VGLL3: variants seen among roughly 807,000 people sequenced by gnomAD.
The protein encoded by VGLL3 is transcription cofactor vestigial-like protein 3.
Under a neutral mutation model 29.2 loss-of-function variants are expected in VGLL3, and 18 were observed. The observed-to-expected ratio is 0.62, with a 90% CI of 0.43 to 0.91. The LOEUF (loss-of-function observed/expected upper bound fraction) is 0.91. Among genes scored for constraint, VGLL3 ranks in the 40% least tolerant of loss-of-function variants. The pLI is 0.00. For synonymous variants in VGLL3, 180 were observed against 151.8 expected, an observed-to-expected ratio of 1.19 and a Z score of -1.36; for missense variants, 440 against 413.2, an observed-to-expected ratio of 1.06 and a Z score of -0.56.
At chr3:86,977,915 TC>T (rs1705243066) in intron 2 of VGLL3, among the ~76,000 whole-genome samples, 1 of 152,210 alleles carries the variant, frequency 6.6e-6, no homozygotes, top group Non-Finnish European at 1.5e-5. Context: ...TTCAAACACA[TC>T]TCTGTGAGCT....
chr3:86,962,079 A>T, intron 3 of VGLL3: 1 of 985,374 alleles, frequency 1.0e-6, no homozygotes, highest in Non-Finnish European at 1.2e-6. Context: ...TTCCTATGGA[A>T]CCCATGAAAC....
intron 3 of VGLL3, among the ~76,000 whole-genome samples, chr3:86,965,191 A>G (rs1704933514): frequency 6.6e-6 from 1 of 151,998 alleles, no homozygotes; most frequent in Non-Finnish European, 1.5e-5. Flanking sequence ...AGCAAATTTC[A>G]TGTTTTTACC....
At chr3:86,969,645 T>C (rs1216443916) in intron 2 of VGLL3, among the ~76,000 whole-genome samples, 2 of 152,098 alleles carry the variant, frequency 1.3e-5, no homozygotes, top group African/African-American at 4.8e-5. Context: ...AACACTCATT[T>C]TCCATTAAGA....
At position 86,961,511 on chromosome 3, in the gene VGLL3, A is replaced by C. The variant is rs532460949; in HGVS notation, c.937+7079T>G. Among the ~76,000 whole-genome samples, 3 of 152,290 alleles carry C rather than the reference A, an allele frequency of 2.0e-5. 1 individual carries two copies. The East Asian group carries it at 5.8e-4, about 29-fold the overall frequency. On this transcript the variant is annotated intron_variant, in intron 3 of 3. Coordinates refer to ENST00000398399, the MANE Select transcript of VGLL3 (RefSeq NM_016206.4). ...AGAATTTACTTAATGTTATCACTAA[A>C]AAATCTGAGGAAGATAAGAGGAGAC...
At chr3:86,959,772 G>A (rs557696828) in intron 3 of VGLL3, among the ~76,000 whole-genome samples, 4 of 152,140 alleles carry the variant, frequency 2.6e-5, no homozygotes, top group East Asian at 1.9e-4. Flanking sequence ...TTAACATATC[G>A]TAACTAACTT....
chr3:86,976,617 A>T (rs1443136855), intron 2 of VGLL3, among the ~76,000 whole-genome samples: 1 of 152,264 alleles, frequency 6.6e-6, no homozygotes, highest in South Asian at 2.1e-4. Flanking sequence ...ACAGTTTAAC[A>T]TCTGCTAAAG....
At chr3:86,964,146 A>G (rs1704912671) in intron 3 of VGLL3, among the ~76,000 whole-genome samples, 1 of 152,194 alleles carries the variant, frequency 6.6e-6, no homozygotes, top group South Asian at 2.1e-4. Flanking sequence ...CGTGAGAAAT[A>G]TATAAAACTC....
chr3:86,982,244 A>C (rs1705340071), intron 1 of VGLL3, among the ~76,000 whole-genome samples: 1 of 152,126 alleles, frequency 6.6e-6, no homozygotes, highest in African/African-American at 2.4e-5. Flanking sequence ...TCCCAGGTTC[A>C]AGTGATTCTC....
At chr3:86,956,009 A>G (rs538445360) in intron 3 of VGLL3, among the ~76,000 whole-genome samples, 21 of 152,344 alleles carry the variant, frequency 1.4e-4, no homozygotes, top group South Asian at 8.3e-4. Context: ...GTGAAACCTT[A>G]TATTACTGAT....
At chr3:86,978,912 C>T (rs1285653371) in intron 1 of VGLL3, 110 bp from the exon 2 acceptor site, 4 of 1,216,532 alleles carry the variant, frequency 3.3e-6, no homozygotes, top group Non-Finnish European at 3.3e-6. Context: ...CATATGTTTG[C>T]AAACTGATTC....
intron 1 of VGLL3, among the ~76,000 whole-genome samples, chr3:86,988,144 T>G (rs1017986941): frequency 6.6e-6 from 1 of 152,176 alleles, no homozygotes; most frequent in African/African-American, 2.4e-5. Flanking sequence ...AATACAGAAG[T>G]AATATAAAAC....
rs1575855081 is a variant in VGLL3, at chr3:86,942,782, G to C, written c.*4242C>G. On this transcript the variant is annotated 3_prime_UTR_variant, in exon 4 of 4. Transcript: ENST00000398399. ...AAACGTACATTTATCTCCTATACCA[G>C]GTAGAAGGAACAGTTAGTAGGAGAA... 1 of 152,146 alleles carries C rather than the reference G, an allele frequency of 6.6e-6. No individual in the cohort carries two copies. The highest frequency in any genetic ancestry group is 1.5e-5 in the Non-Finnish European group (1 of 68,022). The allele number at this position is 152,146 out of a possible 1,614,324, so 9.4% of individuals were successfully genotyped here. A position where few individuals can be genotyped will look rare whatever the true frequency, so the allele number is the denominator to read the frequency against.
At chr3:86,984,199 C>T (rs1180745752) in intron 1 of VGLL3, among the ~76,000 whole-genome samples, 2 of 152,134 alleles carry the variant, frequency 1.3e-5, no homozygotes, top group Admixed American at 6.5e-5. Flanking sequence ...CTTGACAAAT[C>T]AGATACATAA....
rs777851153 is a variant in VGLL3, at chr3:86,942,996, CGTGTGTGTGTGTGTCTGT to C, written c.*4010_*4027del. 69 of 122,322 alleles carry C rather than the reference CGTGTGTGTGTGTGTCTGT, an allele frequency of 5.6e-4. No homozygotes were observed. The highest frequency in any genetic ancestry group is 1.1e-3 in the Non-Finnish European group (59 of 54,678). 7.6% of individuals were successfully genotyped at this position (122,322 alleles called of 1,614,324 possible). A position where few individuals can be genotyped will look rare whatever the true frequency, so the allele number is the denominator to read the frequency against. On this transcript the variant is annotated 3_prime_UTR_variant, in exon 4 of 4. Transcript: ENST00000398399. ...ATCTAATATGAGCTACATGATTGAT[CGTGTGTGTGTGTGTCTGT>C]GTGTGTGTGTGTGTGTATGTGATTT...
In VGLL3 at chr3:86,939,719, T is replaced by C. The variant is rs374494804; in HGVS notation, c.*7305A>G. 1.3e-5 allele frequency: 2 copies of C among 152,236 alleles called. No individual in the cohort carries two copies. Among genetic ancestry groups the C allele is most frequent in the African/African-American group, 4.8e-5 (2 of 41,462 alleles). The allele number at this position is 152,236 out of a possible 1,614,324, so 9.4% of individuals were successfully genotyped here. A position where few individuals can be genotyped will look rare whatever the true frequency, so the allele number is the denominator to read the frequency against. The stretch of plus-strand genomic sequence containing the variant: ...GATTACACAGATGCAGCTATTGTAA[T>C]CACATGAGTCCTTAAATATGTAAGG... On this transcript the variant is annotated 3_prime_UTR_variant, in exon 4 of 4. Transcript: ENST00000398399.
chr3:86,958,163 AT>A (rs796311432), intron 3 of VGLL3, among the ~76,000 whole-genome samples: 2,063 of 148,400 alleles, frequency 0.014, 15 homozygotes, highest in Middle Eastern at 0.035. Context: ...GCTCAATTCC[AT>A]TTTTTTTTTG....
chr3:86,945,896 G>A lies in VGLL3; in HGVS notation c.*1128C>T, dbSNP rs1001799017. 52 of 151,972 alleles carry A rather than the reference G, an allele frequency of 3.4e-4. No individual in the cohort carries two copies. The highest frequency in any genetic ancestry group is 1.2e-3 in the African/African-American group (51 of 41,338). 9.4% of individuals were successfully genotyped at this position (151,972 alleles called of 1,614,324 possible). ...TGTTTGTTTGTTTGTTTAGCTTACAGGGATAGGTGGCATTATAAGAAAGAG... is the reference window on the plus strand; with the variant it reads ...TGTTTGTTTGTTTGTTTAGCTTACAAGGATAGGTGGCATTATAAGAAAGAG... On this transcript the variant is annotated 3_prime_UTR_variant, in exon 4 of 4. Transcript: ENST00000398399.
At chr3:86,969,803 C>T (rs879832429) in intron 2 of VGLL3, among the ~76,000 whole-genome samples, 26 of 151,684 alleles carry the variant, frequency 1.7e-4, no homozygotes, top group Non-Finnish European at 2.6e-4. Context: ...CAACATTTTT[C>T]CAGGGGCTTT....
At chr3:86,967,791 T>C (rs1704995524) in intron 3 of VGLL3, among the ~76,000 whole-genome samples, 1 of 152,202 alleles carries the variant, frequency 6.6e-6, no homozygotes, top group Admixed American at 6.5e-5. Context: ...CTATGAATAC[T>C]ATTAATATGA....
Sources: allele counts gnomAD v4.1 joint callset (sites outside exome capture counted in the v4.1 genomes callset), GRCh38; gene constraint gnomAD v4.1.1; transcripts MANE v1.5; gene names NCBI Gene and HGNC (gene_info 2026-07-23, HGNC 2026-07-21).